The following SRSF11 variants were observed in gnomAD, a reference collection of about 807,000 sequenced individuals.
The protein encoded by SRSF11 is serine/arginine-rich splicing factor 11.
SRSF11 carries 9 observed loss-of-function variants against 56.0 expected under a neutral mutation model. That is an observed-to-expected ratio of 0.16 (90% CI 0.10 to 0.28). The LOEUF is 0.28. Ranked by LOEUF, SRSF11 falls within the 10% of genes least tolerant of loss-of-function variation. The pLI, the probability that SRSF11 is intolerant of heterozygous loss-of-function variation, is 1.00. For synonymous variants in SRSF11, 222 were observed against 215.3 expected, an observed-to-expected ratio of 1.03 and a Z score of -0.27; for missense variants, 421 against 600.7, an observed-to-expected ratio of 0.70 and a Z score of 3.13.
At position 70,228,768 on chromosome 1, in the gene SRSF11, T is replaced by G. The variant is rs1214873175; in HGVS notation, c.337+213T>G. Reference sequence around the variant, plus strand: ...ATTATAAGGTATTTACCTTTTGTTTTCTTTTAAAACATTTTTAAGTTGTTT... The same window carrying G: ...ATTATAAGGTATTTACCTTTTGTTTGCTTTTAAAACATTTTTAAGTTGTTT... On this transcript the variant is annotated intron_variant, in intron 2 of 11. Coordinates refer to ENST00000370949, the MANE Select transcript of SRSF11 (RefSeq NM_001350605.2). The G allele has an allele frequency of 2.0e-5, 24 of 1,218,422 alleles. No homozygotes were observed. The Admixed American group carries it at 5.7e-4, about 29-fold the overall frequency. The allele number at this position is 1,218,422 out of a possible 1,614,324, so 75.5% of individuals were successfully genotyped here. A position where few individuals can be genotyped will look rare whatever the true frequency, so the allele number is the denominator to read the frequency against.
At chr1:70,222,923 G>C (rs993268965) in intron 1 of SRSF11, 1 of 152,128 alleles carries the variant, frequency 6.6e-6, no homozygotes, top group Non-Finnish European at 1.5e-5. Flanking sequence ...AAGATTATTG[G>C]TGTTTTCAAA....
intron 3 of SRSF11, among the ~76,000 whole-genome samples, chr1:70,232,596 A>T (rs1048939372): frequency 6.6e-6 from 1 of 152,184 alleles, no homozygotes; most frequent in Non-Finnish European, 1.5e-5. Context: ...CACTTTTACC[A>T]TTGGCTCTCA....
intron 2 of SRSF11, 26 bp downstream of exon 2, chr1:70,228,581 G>A: frequency 1.2e-6 from 2 of 1,604,596 alleles, no homozygotes; most frequent in Non-Finnish European, 1.7e-6. Context: ...AACTACCTAT[G>A]TGGGCATCCT....
chr1:70,249,986 A>G lies in SRSF11; in HGVS notation c.1057A>G (p.Arg353Gly), dbSNP rs1238920211. The G allele has an allele frequency of 6.2e-7, 1 of 1,614,176 alleles. No individual in the cohort carries two copies. The change falls in exon 10 of 12, where the codon AGA (arginine) becomes GGA (glycine). Residue 353 changes from arginine to glycine, a missense_variant. Arg to Gly is a moderately radical substitution (Grantham distance 125). This residue lies in a region of SRSF11 where 253 missense variants were observed against 305.8 expected (regional missense o/e 0.83). Coordinates refer to ENST00000370949, the MANE Select transcript of SRSF11 (RefSeq NM_001350605.2). Reference protein sequence around the residue: ...RRRRRSRSGTRSPKKPRSPKR... With the variant: ...RRRRRSRSGTGSPKKPRSPKR... ...ACGACGAAGAAGCAGGAGTGGCACA[A>G]GATCTCCTAAAAAGCCTCGGTCTCC...
At chr1:70,231,293 A>T in intron 2 of SRSF11, 2 of 1,158,802 alleles carry the variant, frequency 1.7e-6, no homozygotes, top group Non-Finnish European at 2.2e-6. Context: ...GTATTATTGA[A>T]CTCTCATTTT....
In SRSF11 at chr1:70,245,016, G is replaced by A. The variant is rs149439175; in HGVS notation, c.932+201G>A. ...TAAACTGAAACTTCAGCTTACAGCT[G>A]AGGGCCTAAGTAAAATTTCTTAGTA... On this transcript the variant is annotated intron_variant, in intron 8 of 11. Transcript: ENST00000370949. Among the ~76,000 whole-genome samples the A allele has an allele frequency of 6.6e-5, 10 of 152,310 alleles. No homozygotes were observed. The East Asian group carries it at 1.9e-3, about 29-fold the overall frequency.
At chr1:70,250,258 G>A in intron 10 of SRSF11, 107 bp from the exon 11 acceptor site, 1 of 1,519,384 alleles carries the variant, frequency 6.6e-7, no homozygotes. Flanking sequence ...CTTCTCCAAG[G>A]TTTTGAAGTT....
intron 2 of SRSF11, 173 bp from the exon 3 acceptor site, chr1:70,232,088 AAGTTCAT>A (rs1468145341): frequency 6.5e-7 from 1 of 1,543,038 alleles, no homozygotes; most frequent in Non-Finnish European, 8.7e-7. Context: ...TCACACATTG[AAGTTCAT>A]TCTGACATAA....
At chr1:70,241,892 G>A (rs756596208) in intron 7 of SRSF11, among the ~76,000 whole-genome samples, 10 of 151,916 alleles carry the variant, frequency 6.6e-5, no homozygotes, top group East Asian at 1.9e-4. Context: ...AGCCTGGGCC[G>A]GGTGGGGTGG....
In SRSF11 at chr1:70,239,444, AAAG is replaced by A; in HGVS notation, c.730_732del (p.Glu244del). 6.2e-7 allele frequency: 1 copy of A among 1,601,738 alleles called. No homozygotes were observed. The highest frequency in any genetic ancestry group is 8.5e-7 in the Non-Finnish European group (1 of 1,175,592). On this transcript the variant is annotated inframe_deletion, in exon 7 of 12. Transcript: ENST00000370949. ...TCCTTTTCTTTTAAATATAGATAAG[AAAG>A]AAGAAAAAAGAAGGCATTCAAGATC...
chr1:70,239,749 A>C (rs1389741541), intron 7 of SRSF11, among the ~76,000 whole-genome samples: 10 of 152,214 alleles, frequency 6.6e-5, no homozygotes, highest in Admixed American at 5.2e-4. Context: ...GTAGGAAAGC[A>C]TTGGAACTAG....
chr1:70,252,278 A>G lies in SRSF11; in HGVS notation c.*1473A>G, dbSNP rs927248595. On this transcript the variant is annotated 3_prime_UTR_variant, in exon 12 of 12. Transcript: ENST00000370949. ...AAAGCAATGAACTTTAGTATAAACA[A>G]ATCCCACCTATATCTAGCAAATTTA... 1.1e-4 allele frequency: 16 copies of G among 152,150 alleles called. No individual in the cohort carries two copies. Among genetic ancestry groups the G allele is most frequent in the African/African-American group, 3.9e-4 (16 of 41,450 alleles). 9.4% of individuals were successfully genotyped at this position (152,150 alleles called of 1,614,324 possible).
intron 2 of SRSF11, chr1:70,230,386 G>C: frequency 1.8e-6 from 2 of 1,100,784 alleles, no homozygotes; most frequent in Non-Finnish European, 2.2e-6. Flanking sequence ...CAGTGTTTTA[G>C]AACAGTAGAC....
chr1:70,225,311 A>G (rs756531531), intron 1 of SRSF11, among the ~76,000 whole-genome samples: 23 of 152,212 alleles, frequency 1.5e-4, no homozygotes, highest in Non-Finnish European at 3.4e-4. Flanking sequence ...GGTAAGGGAA[A>G]GAGTTTAGTG....
chr1:70,238,319 T>C (rs1447778343), intron 6 of SRSF11, among the ~76,000 whole-genome samples: 1 of 152,244 alleles, frequency 6.6e-6, no homozygotes, highest in Non-Finnish European at 1.5e-5. Flanking sequence ...AACTGCTGTT[T>C]ATATTGAAAA....
chr1:70,215,267 T>A (rs1429064614), intron 1 of SRSF11, among the ~76,000 whole-genome samples: 2 of 152,140 alleles, frequency 1.3e-5, no homozygotes, highest in African/African-American at 4.8e-5. Context: ...TGGCTCTGTA[T>A]AGCTAAAGGG....
rs1678092596 is a variant in SRSF11, at chr1:70,252,494, G to T, written c.*1689G>T. On this transcript the variant is annotated 3_prime_UTR_variant, in exon 12 of 12. Coordinates refer to ENST00000370949, the MANE Select transcript of SRSF11 (RefSeq NM_001350605.2). Reference sequence around the variant, plus strand: ...TTGAGTATAAATAGGGTTTTGTTTTGTTTTTTTTAACCTAAAAACTGAAAT... The same window carrying T: ...TTGAGTATAAATAGGGTTTTGTTTTTTTTTTTTTAACCTAAAAACTGAAAT... The T allele has an allele frequency of 6.6e-6, 1 of 151,462 alleles. No individual in the cohort carries two copies. Among genetic ancestry groups the T allele is most frequent in the Non-Finnish European group, 1.5e-5 (1 of 67,804 alleles). The allele number at this position is 151,462 out of a possible 1,614,324, so 9.4% of individuals were successfully genotyped here.
chr1:70,223,570 A>G (rs1318963218), intron 1 of SRSF11, among the ~76,000 whole-genome samples: 1 of 152,184 alleles, frequency 6.6e-6, no homozygotes, highest in African/African-American at 2.4e-5. Flanking sequence ...TATTGGGAGA[A>G]AGAGAGATAA....
chr1:70,209,562 A>G (rs1669349513), intron 1 of SRSF11, among the ~76,000 whole-genome samples: 1 of 151,904 alleles, frequency 6.6e-6, no homozygotes, highest in Admixed American at 6.6e-5. Flanking sequence ...CAGGGCTATC[A>G]TTGCCAACTT....
Sources: gnomAD v4.1 joint callset for allele counts (sites outside exome capture counted in the v4.1 genomes callset) on GRCh38, gnomAD v4.1.1 for gene constraint, gnomAD v4.1.1 regional missense constraint, MANE v1.5 for transcripts, NCBI Gene and HGNC (gene_info 2026-07-23, HGNC 2026-07-21) for gene names.